The following OPCML variants were observed in gnomAD, a reference collection of about 807,000 sequenced individuals.
OPCML encodes opioid-binding protein/cell adhesion molecule.
Under a neutral mutation model 37.8 loss-of-function variants are expected in OPCML, and 13 were observed. The observed-to-expected ratio is 0.34, with a 90% CI of 0.22 to 0.55. The LOEUF (loss-of-function observed/expected upper bound fraction) is 0.55. OPCML is among the 20% of genes least tolerant of loss of function. The pLI is 0.91. For synonymous variants in OPCML, 176 were observed against 168.8 expected (o/e 1.04, Z -0.33); for missense variants, 341 against 435.6 (o/e 0.78, Z 1.93).
chr11:132,899,741 G>T (rs189740496), intron 2 of OPCML, among the ~76,000 whole-genome samples: 2 of 152,072 alleles, frequency 1.3e-5, no homozygotes, highest in African/African-American at 4.8e-5. Flanking sequence ...GGACTCGGTG[G>T]GGAAGATCTG....
rs1942659754 is a variant in OPCML at position 132,675,394 on chromosome 11, ACACAAACATTTCTATTC to A, written c.147-18092_147-18076del. Among the ~76,000 whole-genome samples the A allele has an allele frequency of 2.0e-5, 3 of 152,132 alleles. No homozygotes were observed. In the South Asian group the frequency reaches 6.2e-4, roughly 32 times the overall value. Reference sequence around the variant, plus strand: ...CTCGCCTCCCCTTTCTTATCCAGGAACACAAACATTTCTATTCAAAATTGTATTTAAGCTTGCAATAT... The same window carrying A: ...CTCGCCTCCCCTTTCTTATCCAGGAAAAAATTGTATTTAAGCTTGCAATAT... On this transcript the variant is annotated intron_variant, in intron 2 of 7. Coordinates refer to ENST00000524381, the MANE Select transcript of OPCML (RefSeq NM_001012393.5).
At chr11:133,376,853 G>T (rs1944814391) in intron 1 of OPCML, among the ~76,000 whole-genome samples, 1 of 152,168 alleles carries the variant, frequency 6.6e-6, no homozygotes, top group Non-Finnish European at 1.5e-5. Flanking sequence ...TGGAAATTTT[G>T]CATTGAAGGA....
At chr11:132,766,372 G>C (rs1013972123) in intron 2 of OPCML, among the ~76,000 whole-genome samples, 4 of 152,212 alleles carry the variant, frequency 2.6e-5, no homozygotes, top group Admixed American at 2.0e-4. Flanking sequence ...AATCCTGGCA[G>C]ATACTTCCTT....
At chr11:132,496,644 C>T (rs1333044247) in intron 4 of OPCML, among the ~76,000 whole-genome samples, 1 of 152,148 alleles carries the variant, frequency 6.6e-6, no homozygotes, top group Non-Finnish European at 1.5e-5. Context: ...AATTCAAGGT[C>T]ATGTAAACAA....
At chr11:132,587,133 T>C (rs1418954665) in intron 3 of OPCML, among the ~76,000 whole-genome samples, 4 of 152,156 alleles carry the variant, frequency 2.6e-5, no homozygotes, top group African/African-American at 7.2e-5. Context: ...GACTTGATGA[T>C]ACTGGAGCTA....
At chr11:133,170,204 C>T (rs1037790909) in intron 1 of OPCML, among the ~76,000 whole-genome samples, 1 of 152,188 alleles carries the variant, frequency 6.6e-6, no homozygotes, top group African/African-American at 2.4e-5. Context: ...CAACTGGGCA[C>T]GGTGGCTCAC....
At chr11:132,812,267 G>T (rs1051618023) in intron 2 of OPCML, among the ~76,000 whole-genome samples, 13 of 152,124 alleles carry the variant, frequency 8.5e-5, no homozygotes, top group Non-Finnish European at 1.0e-4. Flanking sequence ...GCAAAGTATA[G>T]ATCAGTTTCC....
chr11:132,436,585 C>A, intron 6 of OPCML, 74 bp downstream of exon 6: 1 of 1,584,614 alleles, frequency 6.3e-7, no homozygotes, highest in Non-Finnish European at 8.6e-7. Flanking sequence ...TTTTCTTCAT[C>A]CTCATCCTTC....
intron 1 of OPCML, chr11:133,008,023 A>G: frequency 1.0e-6 from 1 of 985,458 alleles, no homozygotes; most frequent in Non-Finnish European, 1.2e-6. Flanking sequence ...TGCTGTGTCA[A>G]GAGAGCTGTC....
At chr11:132,784,542 C>T (rs1248820307) in intron 2 of OPCML, among the ~76,000 whole-genome samples, 1 of 152,116 alleles carries the variant, frequency 6.6e-6, no homozygotes, top group Non-Finnish European at 1.5e-5. Context: ...ACAGTCGCTG[C>T]TTGCTCTCAC....
intron 1 of OPCML, among the ~76,000 whole-genome samples, chr11:133,049,702 G>A (rs192597830): frequency 6.0e-4 from 92 of 152,294 alleles, no homozygotes; most frequent in African/African-American, 2.0e-3. Context: ...TTTGTAACCC[G>A]TCACCGTGCA....
intron 2 of OPCML, among the ~76,000 whole-genome samples, chr11:132,883,739 C>T (rs556395018): frequency 1.1e-3 from 175 of 152,184 alleles, no homozygotes; most frequent in Non-Finnish European, 2.1e-3. Flanking sequence ...TTATATTTAG[C>T]TCATCAATCC....
chr11:133,258,445 C>T (rs1410270516), intron 1 of OPCML, among the ~76,000 whole-genome samples: 4 of 152,244 alleles, frequency 2.6e-5, no homozygotes, highest in African/African-American at 7.2e-5. Flanking sequence ...CCGATGAGCA[C>T]GTGACCTACA....
At chr11:133,076,758 G>A (rs1407648268) in intron 1 of OPCML, among the ~76,000 whole-genome samples, 1 of 152,080 alleles carries the variant, frequency 6.6e-6, no homozygotes, top group Non-Finnish European at 1.5e-5. Flanking sequence ...GAGAAGCTAA[G>A]TGACTCTCCA....
intron 1 of OPCML, among the ~76,000 whole-genome samples, chr11:133,216,888 C>T (rs545133386): frequency 5.3e-5 from 8 of 151,958 alleles, no homozygotes; most frequent in Non-Finnish European, 1.0e-4. Flanking sequence ...ATAAAGGAAA[C>T]TATATATACA....
chr11:132,619,567 C>T (rs1280750485), intron 3 of OPCML, among the ~76,000 whole-genome samples: 2 of 151,178 alleles, frequency 1.3e-5, no homozygotes, highest in African/African-American at 2.4e-5. Context: ...CGGCCGGGTG[C>T]GGTGGCTCAT....
chr11:133,410,790 C>T lies in OPCML; in HGVS notation c.61+121474G>A, dbSNP rs574881800. On this transcript the variant is annotated intron_variant, in intron 1 of 7. Coordinates refer to ENST00000524381, the MANE Select transcript of OPCML (RefSeq NM_001012393.5). ...AAAATAAACCTCTAAAGCAGAACGG[C>T]ATCACTTGACGACATGTTGTACATT... Among the ~76,000 whole-genome samples the T allele has an allele frequency of 4.6e-5, 7 of 152,002 alleles. No individual in the cohort carries two copies. The South Asian group carries it at 1.5e-3, about 32-fold the overall frequency.
At chr11:132,718,107 C>A (rs78444879) in intron 2 of OPCML, among the ~76,000 whole-genome samples, 6,964 of 152,198 alleles carry the variant, frequency 0.046, 433 homozygotes, top group African/African-American at 0.14. Context: ...AAGCCAACAG[C>A]CAACTCGGTA....
intron 2 of OPCML, among the ~76,000 whole-genome samples, chr11:132,776,795 G>C (rs1233778405): frequency 6.6e-6 from 1 of 152,058 alleles, no homozygotes; most frequent in East Asian, 1.9e-4. Flanking sequence ...CACAGGCTTA[G>C]AGCAGTTAGT....
Sources: allele counts gnomAD v4.1 joint callset (sites outside exome capture counted in the v4.1 genomes callset), GRCh38; gene constraint gnomAD v4.1.1; transcripts MANE v1.5; gene names NCBI Gene and HGNC (gene_info 2026-07-23, HGNC 2026-07-21).